The following DAB1 variants were observed in gnomAD, a reference collection of about 807,000 sequenced individuals.
The protein encoded by DAB1 is disabled homolog 1.
Under a neutral mutation model 64.6 loss-of-function variants are expected in DAB1, and 15 were observed. The observed-to-expected ratio is 0.23, with a 90% CI of 0.16 to 0.36. The LOEUF (loss-of-function observed/expected upper bound fraction) is 0.36, where lower values mean the gene tolerates loss of function less well. Among genes scored for constraint, DAB1 ranks in the 10% least tolerant of loss-of-function variants. The probability of loss-of-function intolerance (pLI) is 1.00; values close to 1 mark genes in which losing one functional copy is unlikely to be tolerated. For missense variants in DAB1, 596 were observed against 706.7 expected (o/e 0.84, Z 1.78); for synonymous variants, 235 against 251.9 (o/e 0.93, Z 0.64).
intron 5 of DAB1, among the ~76,000 whole-genome samples, chr1:57,994,323 AGAGACC>A (rs1646393476): frequency 1.3e-5 from 2 of 152,226 alleles, no homozygotes; most frequent in African/African-American, 4.8e-5. Context: ...ATCTGAGATC[AGAGACC>A]TTGAAGGAAG....
At chr1:57,321,582 A>G (rs553398895) in intron 1 of DAB1, among the ~76,000 whole-genome samples, 4 of 152,334 alleles carry the variant, frequency 2.6e-5, no homozygotes, top group Admixed American at 6.5e-5. Context: ...TTGAAATCAC[A>G]GAATCTTAGA....
chr1:57,319,745 A>G (rs1241065229), intron 1 of DAB1, among the ~76,000 whole-genome samples: 1 of 152,108 alleles, frequency 6.6e-6, no homozygotes, highest in Non-Finnish European at 1.5e-5. Context: ...CTGGCAAAAT[A>G]CGAATAAACA....
intron 5 of DAB1, among the ~76,000 whole-genome samples, chr1:58,120,603 T>C (rs1652678086): frequency 6.6e-6 from 1 of 152,214 alleles, no homozygotes; most frequent in Non-Finnish European, 1.5e-5. Flanking sequence ...TTCCTTCCCT[T>C]GTCCACCCTT....
intron 1 of DAB1, among the ~76,000 whole-genome samples, chr1:57,364,626 C>G (rs1212904880): frequency 6.6e-6 from 1 of 151,236 alleles, no homozygotes; most frequent in Non-Finnish European, 1.5e-5. Context: ...TTCATAATAG[C>G]AAAAAAACTG....
intron 5 of DAB1, among the ~76,000 whole-genome samples, chr1:58,071,064 GT>G (rs1391627262): frequency 1.3e-5 from 2 of 152,150 alleles, no homozygotes; most frequent in African/African-American, 4.8e-5. Context: ...GATGTGTAGT[GT>G]GATGTGGGAG....
chr1:57,440,960 C>A lies in DAB1; in HGVS notation n.626-149794G>T, dbSNP rs376148595. On this transcript the variant is annotated intron_variant and non_coding_transcript_variant, in intron 7 of 20. Transcript: ENST00000485760. ...TGATGCTGAGGTTTGGGGTAGAGAT[C>A]CTGTCATCCAGAGAGTGAGCATAGG... Among the ~76,000 whole-genome samples the A allele has an allele frequency of 1.1e-4, 16 of 152,148 alleles. No homozygotes were observed. In the South Asian group the frequency reaches 3.3e-3, roughly 32 times the overall value.
chr1:57,091,275 C>G (rs2151566), intron 4 of DAB1, among the ~76,000 whole-genome samples: 193 of 152,020 alleles, frequency 1.3e-3, no homozygotes, highest in African/African-American at 4.4e-3. Context: ...ATCCATCCAG[C>G]CTTTCCTGTT....
chr1:58,465,814 C>T (rs934017199), intron 3 of DAB1, among the ~76,000 whole-genome samples: 2 of 152,166 alleles, frequency 1.3e-5, no homozygotes, highest in African/African-American at 2.4e-5. Flanking sequence ...CACTTACCCA[C>T]GAGGAAACTG....
chr1:58,135,642 T>C (rs941656177), intron 5 of DAB1, among the ~76,000 whole-genome samples: 1 of 152,146 alleles, frequency 6.6e-6, no homozygotes, highest in South Asian at 2.1e-4. Context: ...GGTTTCTCAA[T>C]CCCTTTTGCT....
chr1:57,521,834 G>A (rs929095428), intron 7 of DAB1, among the ~76,000 whole-genome samples: 5 of 152,196 alleles, frequency 3.3e-5, no homozygotes, highest in Non-Finnish European at 7.3e-5. Context: ...ATTCGGCCGG[G>A]CGTGGTGGCT....
At position 58,031,931 on chromosome 1, in the gene DAB1, TA is replaced by T. The variant is rs546121916; in HGVS notation, n.387+118579del. Among the ~76,000 whole-genome samples, 20 of 146,230 alleles carry T rather than the reference TA, an allele frequency of 1.4e-4. No homozygotes were observed. The South Asian group carries it at 1.7e-3, about 13-fold the overall frequency. On this transcript the variant is annotated intron_variant and non_coding_transcript_variant, in intron 5 of 20. Coordinates refer to the DAB1 transcript ENST00000485760. The stretch of plus-strand genomic sequence containing the variant: ...CCCTCATTTCCTAAGGTTGAAATTG[TA>T]AAAAAAAAAATCTTCCCTTTGCTCC...
At chr1:58,287,186 C>T (rs1445311790) in intron 4 of DAB1, among the ~76,000 whole-genome samples, 1 of 151,896 alleles carries the variant, frequency 6.6e-6, no homozygotes, top group Non-Finnish European at 1.5e-5. Flanking sequence ...GGGAGAGCAT[C>T]AGGAAAAATA....
At chr1:57,962,601 G>A (rs1645551548) in intron 5 of DAB1, among the ~76,000 whole-genome samples, 1 of 152,184 alleles carries the variant, frequency 6.6e-6, no homozygotes, top group South Asian at 2.1e-4. Context: ...GCCAGGTGTG[G>A]TGGCTTGCAC....
chr1:57,271,516 G>C (rs1018628493), intron 2 of DAB1, among the ~76,000 whole-genome samples: 48 of 152,272 alleles, frequency 3.2e-4, no homozygotes, highest in African/African-American at 1.2e-3. Flanking sequence ...GACAGGCATC[G>C]GGTTCCAGGT....
chr1:57,816,862 G>A (rs1432576006), intron 6 of DAB1, among the ~76,000 whole-genome samples: 2 of 152,108 alleles, frequency 1.3e-5, no homozygotes, highest in Non-Finnish European at 2.9e-5. Context: ...TGCCTATTAT[G>A]TACCGGGTAC....
chr1:57,855,066 G>A (rs534872250), intron 1 of DAB1, among the ~76,000 whole-genome samples: 2 of 152,254 alleles, frequency 1.3e-5, no homozygotes, highest in East Asian at 3.9e-4. Context: ...GAATGAATGA[G>A]CTTGAGAAAA....
intron 5 of DAB1, among the ~76,000 whole-genome samples, chr1:57,942,911 T>C (rs1054414265): frequency 6.6e-6 from 1 of 152,260 alleles, no homozygotes; most frequent in African/African-American, 2.4e-5. Context: ...ATACACCTTG[T>C]AGTTATGGCC....
At chr1:57,384,151 T>A (rs1222678057) in intron 1 of DAB1, among the ~76,000 whole-genome samples, 3 of 152,064 alleles carry the variant, frequency 2.0e-5, no homozygotes, top group Admixed American at 2.0e-4. Context: ...ATGCCCAACA[T>A]CACCAATCAT....
Position 57,110,088 on chromosome 1 carries a change from C to T in DAB1, c.306+26455G>A, listed in dbSNP as rs566715164. On this transcript the variant is annotated intron_variant, in intron 4 of 14. Transcript: ENST00000371236. ...CACATGAACACTTTATGTTAATGGG[C>T]TATAAGTAAAGTGGCCACATGTGTC... Among the ~76,000 whole-genome samples the T allele has an allele frequency of 2.6e-5, 4 of 152,204 alleles. No homozygotes were observed. The South Asian group carries it at 6.2e-4, about 24-fold the overall frequency.
Sources: gnomAD v4.1 joint callset for allele counts (sites outside exome capture counted in the v4.1 genomes callset) on GRCh38, gnomAD v4.1.1 for gene constraint, MANE v1.5 for transcripts, NCBI Gene and HGNC (gene_info 2026-07-23, HGNC 2026-07-21) for gene names.